The following IZUMO3 variants were observed in gnomAD, a reference collection of about 807,000 sequenced individuals.
IZUMO3 encodes IZUMO family member 3, also known as izumo sperm-egg fusion protein 3.
In IZUMO3, 36 loss-of-function variants were observed where a neutral mutation model predicts 28.4. The observed-to-expected ratio is 1.27, with a 90% CI of 0.97 to 1.67. The LOEUF is 1.67. Ranked by LOEUF, IZUMO3 falls within the 40% of genes most tolerant of loss-of-function variation. The pLI, the probability that IZUMO3 is intolerant of heterozygous loss-of-function variation, is 0.00. For missense variants in IZUMO3, 387 were observed against 278.5 expected (o/e 1.39, Z -2.77); for synonymous variants, 126 against 99.2 (o/e 1.27, Z -1.61).
chr9:24,543,283 T>A lies in IZUMO3; in HGVS notation c.666A>T (p.Glu222Asp). 1 of 1,548,330 alleles carries A rather than the reference T, an allele frequency of 6.5e-7. No homozygotes were observed. The highest frequency in any genetic ancestry group is 8.7e-7 in the Non-Finnish European group (1 of 1,145,538). ...LKEYVEKKLE[E>D]LMGKIDEKEE... Reference sequence around the variant, plus strand: ...CCTTCTCATCTATCTTCCCCATTAATTCTTCAAGTTTCTTCTCCACATATT... The same window carrying A: ...CCTTCTCATCTATCTTCCCCATTAAATCTTCAAGTTTCTTCTCCACATATT... Residue 222 changes from glutamate (E) to aspartate (D), a missense_variant, in exon 7 of 7, where the codon GAA becomes GAT. Transcript: ENST00000543880.
chr9:24,545,039 C>G lies in IZUMO3; in HGVS notation c.324G>C (p.Lys108Asn), dbSNP rs1041384836. Residue 108 changes from lysine (K) to asparagine (N), a missense_variant, in exon 3 of 7, where the codon AAG becomes AAC. Transcript: ENST00000543880. The stretch of plus-strand genomic sequence containing the variant: ...CCAGGTTTTGGCAGACATCGAGAAG[C>G]TTGCCTTGATAGATAAAGACACCTA... ...TWKGVFIYQG[K>N]LLDVCQNLES... 1 of 1,550,508 alleles carries G rather than the reference C, an allele frequency of 6.4e-7. No homozygotes were observed. Among genetic ancestry groups the G allele is most frequent in the East Asian group, 2.4e-5 (1 of 40,898 alleles).
Position 24,545,492 on chromosome 9 carries a change from C to T in IZUMO3, c.158G>A (p.Arg53Gln), listed in dbSNP as rs765503244. ...EVPGRTQLLE[R>Q]QIKEMIHLSF... Reference sequence around the variant, plus strand: ...TAAATGAATCATCTCCTTAATCTGCCGTTCAAGCAGCTGAGTTCGGCCGGG... The same window carrying T: ...TAAATGAATCATCTCCTTAATCTGCTGTTCAAGCAGCTGAGTTCGGCCGGG... Residue 53 changes from arginine (R) to glutamine (Q), a missense_variant, in exon 1 of 7, where the codon CGG becomes CAG. Coordinates refer to ENST00000543880, the MANE Select transcript of IZUMO3 (RefSeq NM_001365008.2). 7.8e-6 allele frequency: 12 copies of T among 1,535,410 alleles called. No individual in the cohort carries two copies. Among genetic ancestry groups the T allele is most frequent in the South Asian group, 3.6e-5 (3 of 84,048 alleles).
chr9:24,543,526 C>T, intron 6 of IZUMO3, 138 bp downstream of exon 6: 1 of 563,772 alleles, frequency 1.8e-6, no homozygotes, highest in Admixed American at 6.2e-5. Flanking sequence ...TCAAACTTTG[C>T]ATTTTATTCC....
Position 24,544,213 on chromosome 9 carries a change from C to T in IZUMO3, c.478G>A (p.Glu160Lys), listed in dbSNP as rs1257664560. 9 of 1,548,984 alleles carry T rather than the reference C, an allele frequency of 5.8e-6. No individual in the cohort carries two copies. The highest frequency in any genetic ancestry group is 7.9e-6 in the Non-Finnish European group (9 of 1,145,600). ...TGATCTTTGTTACCTCCACAATATT[C>T]TCCTTTGAAGCACCTGTTAGTCATG... ...LRMTNRCFKG[E>K]YCGDEDPRKA... Residue 160 changes from glutamate (E) to lysine (K), a missense_variant, in exon 5 of 7, where the codon GAA becomes AAA. Physicochemically the swap from Glu to Lys is moderately conservative, Grantham distance 56. Coordinates refer to ENST00000543880, the MANE Select transcript of IZUMO3 (RefSeq NM_001365008.2).
intron 6 of IZUMO3, 68 bp from the exon 7 acceptor site, chr9:24,543,435 A>ATTGTTTT (rs1563907528): frequency 9.3e-5 from 7 of 75,514 alleles, no homozygotes; most frequent in African/African-American, 5.1e-4. Context: ...CCAGTTATAC[A>ATTGTTTT]TTGTTTTTTT....
At chr9:24,544,331 G>T in intron 4 of IZUMO3, 50 bp from the exon 5 acceptor site, 5 of 1,293,048 alleles carry the variant, frequency 3.9e-6, no homozygotes, top group South Asian at 1.3e-5. Context: ...TGGCACGAGG[G>T]TTCCTTAGTC....
intron 1 of IZUMO3, 39 bp from the exon 2 acceptor site, chr9:24,545,325 T>C: frequency 6.5e-7 from 1 of 1,547,090 alleles, no homozygotes; most frequent in South Asian, 1.2e-5. Context: ...GGGGAATAAT[T>C]ACATCTATGC....
In IZUMO3 at chr9:24,544,239, C is replaced by G. The variant is rs766196413; in HGVS notation, c.452G>C (p.Arg151Pro). The G allele has an allele frequency of 1.9e-6, 3 of 1,550,030 alleles. No homozygotes were observed. The highest frequency in any genetic ancestry group is 2.6e-6 in the Non-Finnish European group (3 of 1,146,584). Reference protein sequence around the residue: ...GPILDCWTCLRMTNRCFKGEY... With the variant: ...GPILDCWTCLPMTNRCFKGEY... The stretch of plus-strand genomic sequence containing the variant: ...TCCTTTGAAGCACCTGTTAGTCATG[C>G]GAAGACACGTCCAACAATCAAGAAT... The change falls in exon 5 of 7, where the codon CGC becomes CCC. Residue 151 changes from arginine (R) to proline (P), a missense_variant. By Grantham distance (103) the Arg-to-Pro change is moderately radical. Transcript: ENST00000543880.
In IZUMO3 at chr9:24,544,978, C is replaced by CA. The variant is rs915764587; in HGVS notation, c.384dup (p.Glu129Ter). On this transcript the variant is annotated frameshift_variant, in exon 3 of 7. Coordinates refer to ENST00000543880, the MANE Select transcript of IZUMO3 (RefSeq NM_001365008.2). LOFTEE classifies it high-confidence loss of function. Reference sequence around the variant, plus strand: ...TATAGAAAGTTTTACTTACCAATTTCAGAGAAGTTCTTTAGTAATTCTTTC... The same window carrying CA: ...TATAGAAAGTTTTACTTACCAATTTCAAGAGAAGTTCTTTAGTAATTCTTTC... 26 of 1,548,084 alleles carry CA rather than the reference C, an allele frequency of 1.7e-5. No homozygotes were observed. Among genetic ancestry groups the CA allele is most frequent in the Non-Finnish European group, 2.3e-5 (26 of 1,144,594 alleles).
intron 5 of IZUMO3, 94 bp from the exon 6 acceptor site, chr9:24,543,848 G>C (rs938072923): frequency 1.2e-6 from 1 of 804,642 alleles, no homozygotes; most frequent in Non-Finnish European, 2.1e-6. Flanking sequence ...TTTAACCTCA[G>C]TTTGCCCTGT....
intron 4 of IZUMO3, among the ~76,000 whole-genome samples, chr9:24,544,509 A>C (rs1359798581): frequency 1.3e-5 from 2 of 152,182 alleles, no homozygotes; most frequent in African/African-American, 4.8e-5. Context: ...ATACTGGGGC[A>C]ATGGGTTGTA....
intron 6 of IZUMO3, 54 bp downstream of exon 6, chr9:24,543,610 C>A: frequency 7.6e-7 from 1 of 1,321,622 alleles, no homozygotes; most frequent in Non-Finnish European, 1.1e-6. Context: ...TTTGGGCAGT[C>A]TCTTGGCAAA....
rs562173664 is a variant in IZUMO3 at position 24,545,823 on chromosome 9, T to G, written c.-174A>C. Reference sequence around the variant, plus strand: ...TCTTTAGTTGTTTAGTTTAATGATCTTTAGTTGTTTACTGACTATTATCCT... The same window carrying G: ...TCTTTAGTTGTTTAGTTTAATGATCGTTAGTTGTTTACTGACTATTATCCT... On this transcript the variant is annotated 5_prime_UTR_variant, in exon 1 of 7. Coordinates refer to ENST00000543880, the MANE Select transcript of IZUMO3 (RefSeq NM_001365008.2). 6.3e-5 allele frequency: 98 copies of G among 1,543,380 alleles called. 1 individual carries two copies. The Middle Eastern group carries it at 1.2e-3, about 20-fold the overall frequency.
Position 24,543,356 on chromosome 9 carries a change from C to T in IZUMO3, c.593G>A (p.Cys198Tyr), listed in dbSNP as rs913562068. 3.4e-6 allele frequency: 5 copies of T among 1,453,538 alleles called. No individual in the cohort carries two copies. In the African/African-American group the frequency reaches 7.5e-5, roughly 22 times the overall value. The allele number at this position is 1,453,538 out of a possible 1,614,324, so 90.0% of individuals were successfully genotyped here. Residue 198 changes from cysteine to tyrosine, a missense_variant, in exon 7 of 7, where the codon TGC (cysteine) becomes TAC (tyrosine). Cys to Tyr is a radical substitution (Grantham distance 194). Transcript: ENST00000543880. ...LGSAVLLFHF[C>Y]IFHRRKMKAI... ...CTTCATTTTCCTCCGATGAAAGATGCAAAAATGGAATCTAGAGTAGGAAAA... is the reference window on the plus strand; with the variant it reads ...CTTCATTTTCCTCCGATGAAAGATGTAAAAATGGAATCTAGAGTAGGAAAA...
rs78915791 is a variant in IZUMO3 at position 24,544,382 on chromosome 9, G to A, written c.410-101C>T. The A allele has an allele frequency of 2.8e-3, 2,373 of 850,394 alleles. 29 individuals carry two copies. The highest frequency in any genetic ancestry group is 0.026 in the African/African-American group (1,556 of 59,278). The allele number at this position is 850,394 out of a possible 1,614,324, so 52.7% of individuals were successfully genotyped here. A position where few individuals can be genotyped will look rare whatever the true frequency, so the allele number is the denominator to read the frequency against. ...AGGATTTGATCTCAAGCATTCCCAG[G>A]ACTCTCAAGTTTGCATTGCTGTGAA... On this transcript the variant is annotated intron_variant, in intron 4 of 6. Coordinates refer to ENST00000543880, the MANE Select transcript of IZUMO3 (RefSeq NM_001365008.2).
At chr9:24,544,103 C>A in intron 5 of IZUMO3, 98 bp downstream of exon 5, 1 of 838,334 alleles carries the variant, frequency 1.2e-6, no homozygotes, top group Non-Finnish European at 2.0e-6. Flanking sequence ...CATTAAAGGT[C>A]ATGTAGTGAC....
rs2772579 is a variant in IZUMO3 at position 24,545,697 on chromosome 9, G to C, written c.-48C>G. 0.28 allele frequency: 422,268 copies of C among 1,533,896 alleles called. 59,704 individuals are homozygous for C. Among genetic ancestry groups the C allele is most frequent in the Non-Finnish European group, 0.29 (332,649 of 1,145,340 alleles). ...CGACAGCAGGTTGTCCTGGCAACTA[G>C]TTCACTTAGTTCCTTTTCCTTCAAA... On this transcript the variant is annotated 5_prime_UTR_variant, in exon 1 of 7. Coordinates refer to ENST00000543880, the MANE Select transcript of IZUMO3 (RefSeq NM_001365008.2).
rs954796479 is a variant in IZUMO3 at position 24,545,896 on chromosome 9, C to G, written c.-247G>C. On this transcript the variant is annotated 5_prime_UTR_variant, in exon 1 of 7. Coordinates refer to ENST00000543880, the MANE Select transcript of IZUMO3 (RefSeq NM_001365008.2). ...CAGCTGGGGAGCGGATACCTGAGTT[C>G]TGAGTGTAGAACACCAAGAGATAGA... 1 of 1,480,394 alleles carries G rather than the reference C, an allele frequency of 6.8e-7. No homozygotes were observed. Among genetic ancestry groups the G allele is most frequent in the African/African-American group, 1.4e-5 (1 of 71,486 alleles). The allele number at this position is 1,480,394 out of a possible 1,614,324, so 91.7% of individuals were successfully genotyped here. A position where few individuals can be genotyped will look rare whatever the true frequency, so the allele number is the denominator to read the frequency against.
At chr9:24,543,513 C>G in intron 6 of IZUMO3, 146 bp from the exon 7 acceptor site, 3 of 592,556 alleles carry the variant, frequency 5.1e-6, no homozygotes, top group Non-Finnish European at 2.4e-6. Flanking sequence ...AACTATTATC[C>G]CGTCAAACTT....
Sources: allele counts gnomAD v4.1 joint callset (sites outside exome capture counted in the v4.1 genomes callset), GRCh38; gene constraint gnomAD v4.1.1; transcripts MANE v1.5; gene names NCBI Gene and HGNC (gene_info 2026-07-23, HGNC 2026-07-21).